NFATC2: variants seen among roughly 807,000 people sequenced by gnomAD.
NFATC2 encodes the protein nuclear factor of activated T-cells, cytoplasmic 2.
In NFATC2, 22 loss-of-function variants were observed where a neutral mutation model predicts 87.3. The observed-to-expected ratio is 0.25, with a 90% CI of 0.18 to 0.36. NFATC2 has a LOEUF of 0.36. NFATC2 is among the 10% of genes least tolerant of loss of function. The probability of loss-of-function intolerance (pLI) is 1.00; values close to 1 mark genes in which losing one functional copy is unlikely to be tolerated. For missense variants in NFATC2, 1,149 were observed against 1,259.1 expected, an observed-to-expected ratio of 0.91 and a Z score of 1.32; for synonymous variants, 565 against 542.2, an observed-to-expected ratio of 1.04 and a Z score of -0.58.
At chr20:51,514,549 G>A (rs1449678250) in intron 3 of NFATC2, among the ~76,000 whole-genome samples, 3 of 152,174 alleles carry the variant, frequency 2.0e-5, no homozygotes, top group South Asian at 2.1e-4. Context: ...GTAGCATGAA[G>A]GAAAGGTGCA....
intron 3 of NFATC2, among the ~76,000 whole-genome samples, chr20:51,515,274 A>G (rs1310116903): frequency 6.6e-6 from 1 of 152,214 alleles, no homozygotes. Context: ...CAGAGAGACT[A>G]AGAGTGCAGC....
chr20:51,488,534 T>C (rs1350572216), intron 3 of NFATC2, among the ~76,000 whole-genome samples: 1 of 152,222 alleles, frequency 6.6e-6, no homozygotes, highest in Non-Finnish European at 1.5e-5. Flanking sequence ...AAATGTCCCC[T>C]GGGACACGAA....
intron 3 of NFATC2, among the ~76,000 whole-genome samples, chr20:51,507,916 C>T (rs1289105253): frequency 6.6e-6 from 1 of 152,204 alleles, no homozygotes; most frequent in East Asian, 1.9e-4. Flanking sequence ...CTAACTAGGT[C>T]ACTCTAAAGA....
intron 6 of NFATC2, among the ~76,000 whole-genome samples, chr20:51,440,082 C>CA (rs1386285470): frequency 6.6e-6 from 1 of 151,908 alleles, no homozygotes; most frequent in Non-Finnish European, 1.5e-5. Flanking sequence ...ACTAAAAATA[C>CA]AAAAAATTAG....
chr20:51,488,886 G>C (rs1344972940), intron 3 of NFATC2, among the ~76,000 whole-genome samples: 1 of 152,194 alleles, frequency 6.6e-6, no homozygotes, highest in Non-Finnish European at 1.5e-5. Context: ...TGGCTTCCCA[G>C]TGCATAAAGA....
chr20:51,518,598 G>T (rs550792590), intron 2 of NFATC2, among the ~76,000 whole-genome samples: 35 of 151,976 alleles, frequency 2.3e-4, no homozygotes, highest in African/African-American at 8.2e-4. Context: ...TATCGAAAAT[G>T]GATTCAAATG....
At position 51,523,512 on chromosome 20, in the gene NFATC2, G is replaced by A. The variant is rs1347254801; in HGVS notation, c.729C>T (p.Ser243=). 6.2e-7 allele frequency: 1 copy of A among 1,613,130 alleles called. No individual in the cohort carries two copies. The highest frequency in any genetic ancestry group is 2.2e-5 in the East Asian group (1 of 44,866). The change falls in exon 2 of 11, where the codon TCC becomes TCT. Residue 243 remains serine, a synonymous_variant. Coordinates refer to ENST00000371564, the MANE Select transcript of NFATC2 (RefSeq NM_012340.5). This position sits in a 1 kb window ranked among gnomAD's most constrained non-coding sequence, Gnocchi z 6.9. The part of the protein sequence containing the change: ...GRHSPVPRPA[S]RSSSPGAKRR... ...GCTTGGCACCAGGCGATGAGGAGCG[G>A]GAGGCCGGACGGGGCACGGGCGAGT...
In NFATC2 at chr20:51,534,010, A is replaced by G. The variant is rs1455915004; in HGVS notation, c.130+8360T>C. ...TTCCTGGGGCCCTCCTGCCTTGGAG[A>G]ATTCCAGAGATATTCCTATTTTTAG... On this transcript the variant is annotated intron_variant, in intron 1 of 10. Transcript: ENST00000371564. Among the ~76,000 whole-genome samples, 3 of 152,044 alleles carry G rather than the reference A, an allele frequency of 2.0e-5. No homozygotes were observed. The East Asian group carries it at 5.8e-4, about 29-fold the overall frequency.
rs759748591 is a variant in NFATC2, at chr20:51,474,131, C to T, written c.1557G>A (p.Leu519=). 9 of 1,614,088 alleles carry T rather than the reference C, an allele frequency of 5.6e-6. No individual in the cohort carries two copies. The highest frequency in any genetic ancestry group is 7.6e-6 in the Non-Finnish European group (9 of 1,180,050). The change falls in exon 5 of 11, where the codon TTG becomes TTA. Residue 519 remains leucine, a synonymous_variant. Transcript: ENST00000371564. ...MRATIDCAGI[L]KLRNADIELR... ...GCTCAATGTCGGCGTTTCTAAGCTT[C>T]AAGATCCCCGCACAGTCGATGCTGC... is the stretch of plus-strand genomic sequence containing the variant.
chr20:51,520,584 C>T (rs894938696), intron 2 of NFATC2, among the ~76,000 whole-genome samples: 3 of 151,576 alleles, frequency 2.0e-5, no homozygotes, highest in African/African-American at 7.3e-5. Flanking sequence ...AGAAGGAAAG[C>T]AGGAAGGAAA....
At chr20:51,520,766 T>C (rs564058372) in intron 2 of NFATC2, among the ~76,000 whole-genome samples, 50 of 152,278 alleles carry the variant, frequency 3.3e-4, no homozygotes, top group African/African-American at 1.1e-3. Context: ...GTTCAAGTGA[T>C]TCTCCTGCCT....
At chr20:51,415,245 CAAAAA>C (rs33978165) in intron 9 of NFATC2, among the ~76,000 whole-genome samples, 1 of 136,584 alleles carries the variant, frequency 7.3e-6, no homozygotes, top group Non-Finnish European at 1.6e-5. Context: ...GACCCTGTAT[CAAAAA>C]AAAAAAAAAA....
rs1344740897 is a variant in NFATC2 at position 51,561,430 on chromosome 20, GA to G, written c.70+1129del. On this transcript the variant is annotated intron_variant, in intron 1 of 10. Transcript: ENST00000414705. ...AAAGAAAGAAAGAAAGAGAGAGAAA[GA>G]AAAGAAAGAAAGAAAGAAAGAAAGA... 1.9e-3 allele frequency among the ~76,000 whole-genome samples: 208 copies of G among 109,762 alleles called. 2 individuals are homozygous for G. The highest frequency in any genetic ancestry group is 6.7e-3 in the African/African-American group (180 of 26,968). The allele number at this position is 109,762 out of a possible 152,430, so 72.0% of individuals were successfully genotyped here.
At chr20:51,477,568 TATATATATATATAA>T (rs1198288657) in intron 3 of NFATC2, among the ~76,000 whole-genome samples, 1,400 of 92,494 alleles carry the variant, frequency 0.015, 14 homozygotes, top group Non-Finnish European at 0.02. Flanking sequence ...TATATATATA[TATATATATATATAA>T]AATAACAAGA....
chr20:51,391,570 T>A, intron 10 of NFATC2, 119 bp from the exon 11 acceptor site: 3 of 1,062,472 alleles, frequency 2.8e-6, no homozygotes, highest in Non-Finnish European at 2.8e-6. Context: ...TGAGACAAGG[T>A]CTTGCTCTGT....
At chr20:51,485,784 G>T (rs1174609716) in intron 3 of NFATC2, among the ~76,000 whole-genome samples, 2 of 152,116 alleles carry the variant, frequency 1.3e-5, no homozygotes, top group Non-Finnish European at 2.9e-5. Flanking sequence ...AGGAACAAGT[G>T]GGCTGTGTAT....
chr20:51,454,695 G>A lies in NFATC2; in HGVS notation c.1709-7C>T, dbSNP rs1339163516. Reference sequence around the variant, plus strand: ...TCGTGAGCAGATCGCTGGGCTGCAGGCAAAAGAGAGAGAAGTCACTGTGAT... The same window carrying A: ...TCGTGAGCAGATCGCTGGGCTGCAGACAAAAGAGAGAGAAGTCACTGTGAT... On this transcript the variant is annotated splice_region_variant and splice_polypyrimidine_tract_variant and intron_variant, in intron 5 of 10. Coordinates refer to ENST00000371564, the MANE Select transcript of NFATC2 (RefSeq NM_012340.5). The A allele has an allele frequency of 7.4e-6, 12 of 1,613,558 alleles. No homozygotes were observed. The highest frequency in any genetic ancestry group is 1.0e-5 in the Non-Finnish European group (12 of 1,179,866).
chr20:51,417,757 C>T (rs555804386), intron 9 of NFATC2, among the ~76,000 whole-genome samples: 21 of 152,334 alleles, frequency 1.4e-4, no homozygotes, highest in Non-Finnish European at 3.1e-4. Flanking sequence ...TACCACCAAG[C>T]CCAGCTCACT....
At chr20:51,411,745 C>T (rs1037556091) in intron 9 of NFATC2, among the ~76,000 whole-genome samples, 2 of 152,064 alleles carry the variant, frequency 1.3e-5, no homozygotes, top group Non-Finnish European at 2.9e-5. Context: ...CCAGCCTGGT[C>T]TTGCACTCCT....
Sources: allele counts gnomAD v4.1 joint callset (sites outside exome capture counted in the v4.1 genomes callset), GRCh38; gene constraint gnomAD v4.1.1; non-coding constraint Gnocchi (gnomAD v3.1); transcripts MANE v1.5; gene names NCBI Gene and HGNC (gene_info 2026-07-23, HGNC 2026-07-21).